EZH1: variants seen among roughly 807,000 people sequenced by gnomAD.
EZH1 encodes enhancer of zeste 1 polycomb repressive complex 2 subunit.
In EZH1, 33 loss-of-function variants were observed where a neutral mutation model predicts 100.5. That is an observed-to-expected ratio of 0.33 (90% CI 0.25 to 0.44). The LOEUF (loss-of-function observed/expected upper bound fraction) is 0.44. EZH1 is among the 20% of genes least tolerant of loss of function. The probability of loss-of-function intolerance (pLI) is 1.00; values close to 1 mark genes in which losing one functional copy is unlikely to be tolerated. For synonymous variants in EZH1, 272 were observed against 313.8 expected (o/e 0.87, Z 1.41); for missense variants, 475 against 928.4 (o/e 0.51, Z 6.35).
intron 1 of EZH1, 35 bp downstream of exon 1, chr17:42,744,976 C>G (rs1388303882): frequency 3.2e-6 from 4 of 1,260,048 alleles, no homozygotes; most frequent in Non-Finnish European, 4.1e-6. Flanking sequence ...GAGGCCCGGC[C>G]CCACCGCCCG....
Position 42,730,919 on chromosome 17 carries a change from C to T in EZH1, c.-102-1G>A. On this transcript the variant is annotated splice_acceptor_variant, in intron 1 of 20. Coordinates refer to ENST00000428826, the MANE Select transcript of EZH1 (RefSeq NM_001991.5). LOFTEE classifies it low-confidence loss of function (5UTR_SPLICE). ...ACACAACAGCAGAACAGGTGTCCAGCTTTTCAAAAGAGAACAGACAGTGGT... is the reference window on the plus strand; with the variant it reads ...ACACAACAGCAGAACAGGTGTCCAGTTTTTCAAAAGAGAACAGACAGTGGT... 1.0e-6 allele frequency: 1 copy of T among 985,336 alleles called. No homozygotes were observed. The highest frequency in any genetic ancestry group is 1.2e-6 in the Non-Finnish European group (1 of 829,764). 61.0% of individuals were successfully genotyped at this position (985,336 alleles called of 1,614,324 possible). A position where few individuals can be genotyped will look rare whatever the true frequency, so the allele number is the denominator to read the frequency against.
In EZH1 at chr17:42,705,302, C is replaced by G. The variant is rs36073782; in HGVS notation, c.1840-119G>C. On this transcript the variant is annotated intron_variant, in intron 16 of 20. Coordinates refer to ENST00000428826, the MANE Select transcript of EZH1 (RefSeq NM_001991.5). ...AAGAACCAGCAACTGTTAAGAGGAT[C>G]TGAAAGCAGAAAAAGGTCTAACCCA... 3.9e-3 allele frequency: 2,309 copies of G among 590,768 alleles called. 42 individuals are homozygous for G. Among genetic ancestry groups the G allele is most frequent in the African/African-American group, 0.039 (2,069 of 53,630 alleles). 36.6% of individuals were successfully genotyped at this position (590,768 alleles called of 1,614,324 possible). A position where few individuals can be genotyped will look rare whatever the true frequency, so the allele number is the denominator to read the frequency against.
At chr17:42,702,754 C>A in intron 20 of EZH1, 123 bp downstream of exon 20, 2 of 1,285,050 alleles carry the variant, frequency 1.6e-6, no homozygotes, top group Non-Finnish European at 2.3e-6. Context: ...AGGGACACAG[C>A]CTTATTCACC....
chr17:42,729,574 CAA>C (rs71157667), intron 2 of EZH1, among the ~76,000 whole-genome samples: 1,611 of 137,880 alleles, frequency 0.012, 38 homozygotes, highest in African/African-American at 0.038. Context: ...ACTAAAAATA[CAA>C]AAAAAAAAAA....
At chr17:42,717,657 G>C (rs1234700375) in intron 10 of EZH1, among the ~76,000 whole-genome samples, 1 of 152,128 alleles carries the variant, frequency 6.6e-6, no homozygotes, top group Non-Finnish European at 1.5e-5. Context: ...AAAGAAACTA[G>C]AGTGTGTACC....
At position 42,745,024 on chromosome 17, in the gene EZH1, C is replaced by G; in HGVS notation, c.-116G>C. On this transcript the variant is annotated 5_prime_UTR_variant, in exon 1 of 21. Transcript: ENST00000428826. ...TTACTCACTCACCCTCCATCCCGAGCCGCGGGTCCCGCTGCTAGGACGCAT... is the reference window on the plus strand; with the variant it reads ...TTACTCACTCACCCTCCATCCCGAGGCGCGGGTCCCGCTGCTAGGACGCAT... 7.9e-7 allele frequency: 1 copy of G among 1,272,058 alleles called. No individual in the cohort carries two copies. Among genetic ancestry groups the G allele is most frequent in the South Asian group, 1.3e-5 (1 of 78,152 alleles). The allele number at this position is 1,272,058 out of a possible 1,614,324, so 78.8% of individuals were successfully genotyped here.
chr17:42,705,269 G>T, intron 16 of EZH1, 86 bp from the exon 17 acceptor site: 1 of 680,990 alleles, frequency 1.5e-6, no homozygotes, highest in Non-Finnish European at 2.7e-6. Flanking sequence ...TGGTGGGGGT[G>T]GGGTGGAAAG....
chr17:42,744,510 T>C (rs2054241105), intron 1 of EZH1, among the ~76,000 whole-genome samples: 1 of 152,072 alleles, frequency 6.6e-6, no homozygotes, highest in Non-Finnish European at 1.5e-5. Context: ...CTTGGGAGCC[T>C]TACTCACCTC....
intron 13 of EZH1, among the ~76,000 whole-genome samples, chr17:42,709,347 C>A (rs555175341): frequency 1.7e-4 from 26 of 152,180 alleles, no homozygotes; most frequent in Non-Finnish European, 3.5e-4. Context: ...GGATTTCCTT[C>A]TGTATCTAGA....
chr17:42,704,170 C>T (rs1177170194), intron 18 of EZH1, among the ~76,000 whole-genome samples: 2 of 152,112 alleles, frequency 1.3e-5, no homozygotes, highest in East Asian at 3.8e-4. Context: ...TGATCCTGCC[C>T]CCTTGCTCTA....
chr17:42,731,274 T>C (rs1014802406), intron 1 of EZH1, among the ~76,000 whole-genome samples: 2 of 151,964 alleles, frequency 1.3e-5, no homozygotes, highest in Non-Finnish European at 2.9e-5. Flanking sequence ...CGCACCACCA[T>C]AGCCGGCCAA....
At chr17:42,713,739 G>A (rs562061867) in intron 10 of EZH1, among the ~76,000 whole-genome samples, 3 of 152,198 alleles carry the variant, frequency 2.0e-5, no homozygotes, top group African/African-American at 4.8e-5. Flanking sequence ...AGGACCACAC[G>A]CACATGTCAC....
chr17:42,737,231 C>A (rs2054082777), intron 1 of EZH1, among the ~76,000 whole-genome samples: 1 of 152,188 alleles, frequency 6.6e-6, no homozygotes, highest in Non-Finnish European at 1.5e-5. Flanking sequence ...GGTGATCCAC[C>A]CGCCTTGGCC....
rs1597875410 is a variant in EZH1, at chr17:42,743,070, T to C, written c.-103+1941A>G. ...TTTTTGTAGAGAAGGAGTTTCGCCA[T>C]GTTGCCCAGGCAGCTCTCGGACTCT... On this transcript the variant is annotated intron_variant, in intron 1 of 20. Coordinates refer to ENST00000428826, the MANE Select transcript of EZH1 (RefSeq NM_001991.5). Among the ~76,000 whole-genome samples, 8 of 152,210 alleles carry C rather than the reference T, an allele frequency of 5.3e-5. No individual in the cohort carries two copies. In the South Asian group the frequency reaches 1.7e-3, roughly 32 times the overall value.
At chr17:42,717,859 A>G (rs1308149708) in intron 10 of EZH1, 117 bp downstream of exon 10, 2 of 874,270 alleles carry the variant, frequency 2.3e-6, no homozygotes, top group East Asian at 2.5e-5. Context: ...GGAGCTCCTT[A>G]AGAGCAAAAG....
intron 12 of EZH1, 78 bp from the exon 13 acceptor site, chr17:42,710,015 G>T: frequency 1.5e-6 from 2 of 1,302,018 alleles, no homozygotes; most frequent in Admixed American, 3.4e-5. Flanking sequence ...TGCTGGCCTT[G>T]GGAGGGTTCT....
chr17:42,704,691 G>T lies in EZH1; in HGVS notation c.1936-8C>A. The T allele has an allele frequency of 6.2e-7, 1 of 1,611,986 alleles. No individual in the cohort carries two copies. The highest frequency in any genetic ancestry group is 1.1e-5 in the South Asian group (1 of 90,774). On this transcript the variant is annotated splice_region_variant and splice_polypyrimidine_tract_variant and intron_variant, in intron 17 of 20. Coordinates refer to ENST00000428826, the MANE Select transcript of EZH1 (RefSeq NM_001991.5). ...CTCATCCTGAGAGATGAGCTAGAGAGATAGACAAATAACAAATAGGAGTAT... is the reference window on the plus strand; with the variant it reads ...CTCATCCTGAGAGATGAGCTAGAGATATAGACAAATAACAAATAGGAGTAT...
intron 1 of EZH1, among the ~76,000 whole-genome samples, chr17:42,736,392 A>G (rs1173013585): frequency 3.3e-5 from 5 of 152,372 alleles, no homozygotes; most frequent in South Asian, 4.1e-4. Flanking sequence ...TATAATAGCC[A>G]AAAGTGAAAA....
At chr17:42,715,176 AAT>A (rs1288083022) in intron 10 of EZH1, among the ~76,000 whole-genome samples, 1 of 139,420 alleles carries the variant, frequency 7.2e-6, no homozygotes, top group Non-Finnish European at 1.5e-5. Context: ...ATTTATATAT[AAT>A]ATATATCATA....
Sources: gnomAD v4.1 joint callset for allele counts (sites outside exome capture counted in the v4.1 genomes callset) on GRCh38, gnomAD v4.1.1 for gene constraint, MANE v1.5 for transcripts, NCBI Gene and HGNC (gene_info 2026-07-23, HGNC 2026-07-21) for gene names.